Variants in ANKH observed in about 807,000 individuals in gnomAD.
The protein encoded by ANKH is mineralization regulator ANKH.
A neutral mutation model predicts 49.0 loss-of-function variants in ANKH; 15 were observed. The ratio of observed to expected loss-of-function variants is 0.31; its 90% CI spans 0.20 to 0.47. ANKH has a LOEUF of 0.47. Among genes scored for constraint, ANKH ranks in the 20% least tolerant of loss-of-function variants. The pLI, the probability that ANKH is intolerant of heterozygous loss-of-function variation, is 1.00. For synonymous variants in ANKH, 273 were observed against 260.0 expected (o/e 1.05, Z -0.48); for missense variants, 429 against 652.0 (o/e 0.66, Z 3.72).
At chr5:14,859,035 T>C (rs1486800309) in intron 1 of ANKH, among the ~76,000 whole-genome samples, 1 of 152,142 alleles carries the variant, frequency 6.6e-6, no homozygotes, top group Non-Finnish European at 1.5e-5. Flanking sequence ...AAAATATACA[T>C]AAAAATGTAT....
chr5:14,770,199 C>T lies in ANKH; in HGVS notation c.97-1008G>A, dbSNP rs1739389910. Among the ~76,000 whole-genome samples, 1 of 152,136 alleles carries T rather than the reference C, an allele frequency of 6.6e-6. No homozygotes were observed. Among genetic ancestry groups the T allele is most frequent in the South Asian group, 2.1e-4 (1 of 4,826 alleles). On this transcript the variant is annotated intron_variant, in intron 1 of 11. Coordinates refer to ENST00000284268, the MANE Select transcript of ANKH (RefSeq NM_054027.6). This position sits in a 1 kb window ranked among gnomAD's most constrained non-coding sequence, Gnocchi z 4.1. ...TCACAGTAAAATTGAGCAGAAAGTA[C>T]AGAGCATTCCCATATATCCTTTGCC...
In ANKH at chr5:14,767,747, T is replaced by G. The variant is rs139033767; in HGVS notation, c.313+1228A>C. On this transcript the variant is annotated intron_variant, in intron 2 of 11. Transcript: ENST00000284268. ...TAACAAAGGGAACTCATTTGCTTAT[T>G]TAAGGAAGCCCCTTATTTTACAAAA... 9.8e-5 allele frequency among the ~76,000 whole-genome samples: 15 copies of G among 152,308 alleles called. No individual in the cohort carries two copies. In the East Asian group the frequency reaches 2.9e-3, roughly 29 times the overall value.
chr5:14,813,057 A>G (rs1050006405), intron 1 of ANKH, among the ~76,000 whole-genome samples: 5 of 152,162 alleles, frequency 3.3e-5, no homozygotes, highest in African/African-American at 1.2e-4. Context: ...CCTGGGCAAC[A>G]TAGTGAAACC....
chr5:14,722,986 G>A (rs1737715801), intron 8 of ANKH, among the ~76,000 whole-genome samples: 2 of 152,034 alleles, frequency 1.3e-5, no homozygotes, highest in South Asian at 2.1e-4. Flanking sequence ...TTAATCATAA[G>A]ACAAACCCCA....
intron 1 of ANKH, among the ~76,000 whole-genome samples, chr5:14,818,576 G>A (rs1184556378): frequency 1.3e-5 from 2 of 148,874 alleles, no homozygotes; most frequent in African/African-American, 5.0e-5. Flanking sequence ...CTGGGAGGTG[G>A]AGGTTGCAAG....
chr5:14,796,119 A>G (rs1389649677), intron 1 of ANKH, among the ~76,000 whole-genome samples: 1 of 151,908 alleles, frequency 6.6e-6, no homozygotes, highest in Non-Finnish European at 1.5e-5. Context: ...GTACAGGCAT[A>G]TTCAGACCTT....
At chr5:14,868,315 A>C (rs1265223914) in intron 1 of ANKH, 1 of 152,118 alleles carries the variant, frequency 6.6e-6, no homozygotes, top group Non-Finnish European at 1.5e-5. Flanking sequence ...GAAACATTTA[A>C]CATAATTTTG....
At chr5:14,741,584 T>A in intron 8 of ANKH, 1 of 498,222 alleles carries the variant, frequency 2.0e-6, no homozygotes, top group South Asian at 2.2e-5. Context: ...GGCAACCTCT[T>A]CCTTTCTGCA....
At chr5:14,740,872 T>C (rs1026850586) in intron 8 of ANKH, among the ~76,000 whole-genome samples, 1 of 152,214 alleles carries the variant, frequency 6.6e-6, no homozygotes, top group Non-Finnish European at 1.5e-5. Flanking sequence ...TTATTGACAA[T>C]GACAACTGCA....
intron 1 of ANKH, among the ~76,000 whole-genome samples, chr5:14,841,805 A>C (rs1207670312): frequency 6.6e-6 from 1 of 152,162 alleles, no homozygotes; most frequent in Non-Finnish European, 1.5e-5. Context: ...GACTACTCTA[A>C]GTACCACATA....
intron 1 of ANKH, among the ~76,000 whole-genome samples, chr5:14,835,024 A>G (rs1036884079): frequency 1.3e-5 from 2 of 152,202 alleles, no homozygotes; most frequent in Admixed American, 6.5e-5. Flanking sequence ...AGTAGGAAAG[A>G]AAAGGTTATT....
intron 1 of ANKH, among the ~76,000 whole-genome samples, chr5:14,793,068 T>TA (rs34792124): frequency 0.62 from 54,429 of 87,826 alleles, 16,105 homozygotes; most frequent in South Asian, 0.77. Context: ...AAAATATATA[T>TA]AAATATATAA....
chr5:14,787,140 C>T (rs1272116820), intron 1 of ANKH, among the ~76,000 whole-genome samples: 1 of 151,994 alleles, frequency 6.6e-6, no homozygotes, highest in African/African-American at 2.4e-5. Flanking sequence ...ATGGTGAAAC[C>T]CCGTCTCTAC....
intron 1 of ANKH, among the ~76,000 whole-genome samples, chr5:14,838,034 G>A: frequency 6.6e-6 from 1 of 152,038 alleles, no homozygotes; most frequent in Middle Eastern, 3.2e-3. Flanking sequence ...AACACTGCAT[G>A]TTATCACTCA....
intron 1 of ANKH, among the ~76,000 whole-genome samples, chr5:14,775,951 G>A (rs540616195): frequency 3.6e-4 from 55 of 152,308 alleles, no homozygotes; most frequent in African/African-American, 6.0e-4. Context: ...GACAAGGTGC[G>A]GCTTGGCCGA....
chr5:14,784,577 A>T (rs1580065957), intron 1 of ANKH, among the ~76,000 whole-genome samples: 1 of 152,302 alleles, frequency 6.6e-6, no homozygotes, highest in African/African-American at 2.4e-5. Context: ...TAGTTTGGGG[A>T]ACTGTAGTGC....
chr5:14,757,076 T>A (rs1738909983), intron 3 of ANKH, among the ~76,000 whole-genome samples: 1 of 152,162 alleles, frequency 6.6e-6, no homozygotes, highest in Admixed American at 6.5e-5. Flanking sequence ...TAACTGTAAT[T>A]CTTCTATGTG....
At chr5:14,769,828 G>A (rs1739379475) in intron 1 of ANKH, among the ~76,000 whole-genome samples, 1 of 152,150 alleles carries the variant, frequency 6.6e-6, no homozygotes, top group South Asian at 2.1e-4. Flanking sequence ...AGACAAATAT[G>A]AAAAGAACAC....
intron 4 of ANKH, among the ~76,000 whole-genome samples, chr5:14,753,294 T>G (rs1344568197): frequency 1.3e-5 from 2 of 152,154 alleles, no homozygotes; most frequent in Non-Finnish European, 2.9e-5. Flanking sequence ...TTAGCAGAGG[T>G]GAAGGATGAG....
Sources: gnomAD v4.1 joint callset for allele counts (sites outside exome capture counted in the v4.1 genomes callset) on GRCh38, gnomAD v4.1.1 for gene constraint, Gnocchi (gnomAD v3.1) non-coding constraint, MANE v1.5 for transcripts, NCBI Gene and HGNC (gene_info 2026-07-23, HGNC 2026-07-21) for gene names.